KCNH1: variants seen among roughly 807,000 people sequenced by gnomAD.
KCNH1 encodes voltage-gated delayed rectifier potassium channel KCNH1.
KCNH1 carries 27 observed loss-of-function variants against 69.2 expected under a neutral mutation model. The observed-to-expected ratio is 0.39, with a 90% CI of 0.29 to 0.54. The LOEUF (loss-of-function observed/expected upper bound fraction) is 0.54, where lower values mean the gene tolerates loss of function less well. Ranked by LOEUF, KCNH1 falls within the 20% of genes least tolerant of loss-of-function variation. The pLI is 0.68. For synonymous variants in KCNH1, 456 were observed against 487.7 expected (o/e 0.93, Z 0.86); for missense variants, 798 against 1,261.6 (o/e 0.63, Z 5.57).
chr1:210,996,100 T>C (rs1024594417), intron 6 of KCNH1, among the ~76,000 whole-genome samples: 10 of 152,268 alleles, frequency 6.6e-5, no homozygotes, highest in Admixed American at 5.2e-4. Flanking sequence ...TCTGAGGTAC[T>C]GTGTTCATCT....
intron 6 of KCNH1, among the ~76,000 whole-genome samples, chr1:210,968,034 C>T (rs547175822): frequency 3.0e-4 from 45 of 151,352 alleles, no homozygotes; most frequent in African/African-American, 1.1e-3. Flanking sequence ...CACCCCACAA[C>T]AGTCCCCAGA....
intron 6 of KCNH1, among the ~76,000 whole-genome samples, chr1:210,998,397 G>C (rs974163325): frequency 8.5e-5 from 13 of 152,176 alleles, no homozygotes; most frequent in South Asian, 4.2e-4. Context: ...AAGCAACAAA[G>C]ATCAAAAGAG....
At chr1:210,703,538 T>C (rs963196104) in intron 10 of KCNH1, among the ~76,000 whole-genome samples, 1 of 152,202 alleles carries the variant, frequency 6.6e-6, no homozygotes, top group African/African-American at 2.4e-5. Context: ...AAATAATGCA[T>C]TTAAAGTGCC....
At chr1:210,862,216 T>C in intron 7 of KCNH1, 1 of 1,177,362 alleles carries the variant, frequency 8.5e-7, no homozygotes. Flanking sequence ...GAGCTGGCGC[T>C]CCATGGCCTC....
intron 5 of KCNH1, among the ~76,000 whole-genome samples, chr1:211,033,883 G>C (rs1305273194): frequency 6.6e-6 from 1 of 151,838 alleles, no homozygotes; most frequent in African/African-American, 2.4e-5. Flanking sequence ...CCTGCACGTT[G>C]TGCATGTGTA....
At chr1:210,805,465 C>T (rs12134632) in intron 7 of KCNH1, among the ~76,000 whole-genome samples, 19,285 of 152,100 alleles carry the variant, frequency 0.13, 1,267 homozygotes, top group Non-Finnish European at 0.15. Flanking sequence ...CTCCCATCCC[C>T]ACCTGCTTTC....
intron 10 of KCNH1, among the ~76,000 whole-genome samples, chr1:210,714,445 C>T (rs74156041): frequency 0.015 from 2,262 of 152,222 alleles, 40 homozygotes; most frequent in African/African-American, 0.051. Flanking sequence ...TTATTCATCA[C>T]GCAACTTTAG....
At chr1:211,088,859 T>C (rs901957885) in intron 4 of KCNH1, among the ~76,000 whole-genome samples, 1 of 152,210 alleles carries the variant, frequency 6.6e-6, no homozygotes, top group African/African-American at 2.4e-5. Context: ...ACCAAAACTC[T>C]TATCAGCAAA....
chr1:210,966,160 T>C (rs1010620525), intron 6 of KCNH1, among the ~76,000 whole-genome samples: 1 of 151,994 alleles, frequency 6.6e-6, no homozygotes, highest in Non-Finnish European at 1.5e-5. Flanking sequence ...ACAAATGGTA[T>C]TGGGAAAACT....
At chr1:211,119,625 G>T (rs966279841) in intron 1 of KCNH1, among the ~76,000 whole-genome samples, 7 of 151,936 alleles carry the variant, frequency 4.6e-5, no homozygotes, top group African/African-American at 1.7e-4. Context: ...AAATCAGTAT[G>T]ATATACCCAA....
At chr1:210,729,610 T>A (rs1376147379) in intron 10 of KCNH1, among the ~76,000 whole-genome samples, 2 of 152,230 alleles carry the variant, frequency 1.3e-5, no homozygotes, top group African/African-American at 4.8e-5. Context: ...TATAAAAACA[T>A]TTGCAATTGA....
intron 6 of KCNH1, among the ~76,000 whole-genome samples, chr1:210,941,000 C>T (rs1324967983): frequency 6.6e-6 from 1 of 152,198 alleles, no homozygotes; most frequent in Non-Finnish European, 1.5e-5. Context: ...ACCCCAGTGA[C>T]TTTCATGGGG....
At chr1:211,131,219 T>C (rs1691870760) in intron 1 of KCNH1, among the ~76,000 whole-genome samples, 1 of 152,106 alleles carries the variant, frequency 6.6e-6, no homozygotes, top group Non-Finnish European at 1.5e-5. Context: ...AGCTCTATGA[T>C]ATTCCGGGCA....
rs1688038530 is a variant in KCNH1 at position 210,950,260 on chromosome 1, G to A, written c.1033-30191C>T. 2.0e-5 allele frequency among the ~76,000 whole-genome samples: 3 copies of A among 148,646 alleles called. No homozygotes were observed. In the South Asian group the frequency reaches 6.5e-4, roughly 32 times the overall value. On this transcript the variant is annotated intron_variant, in intron 6 of 10. Transcript: ENST00000271751. ...ATACTTTAAGTTTTAGGGTACATGT[G>A]CACATTGTGCAGGTTAGTTACATAT... is the stretch of plus-strand genomic sequence containing the variant.
intron 10 of KCNH1, among the ~76,000 whole-genome samples, chr1:210,728,707 G>A (rs1325015437): frequency 6.6e-6 from 1 of 152,192 alleles, no homozygotes; most frequent in Non-Finnish European, 1.5e-5. Flanking sequence ...GCAACAGGAG[G>A]AGCCAGTTTT....
At chr1:211,014,532 G>A (rs1571579429) in intron 6 of KCNH1, among the ~76,000 whole-genome samples, 1 of 152,232 alleles carries the variant, frequency 6.6e-6, no homozygotes, top group African/African-American at 2.4e-5. Flanking sequence ...ATATCCACAG[G>A]GCTGAATTCA....
At chr1:210,741,503 G>A (rs757138187) in intron 10 of KCNH1, among the ~76,000 whole-genome samples, 2 of 152,122 alleles carry the variant, frequency 1.3e-5, no homozygotes, top group Non-Finnish European at 2.9e-5. Flanking sequence ...TGAAAGATGG[G>A]GCCAAGCAGA....
intron 3 of KCNH1, among the ~76,000 whole-genome samples, chr1:211,100,332 C>A (rs573473298): frequency 6.6e-6 from 1 of 152,236 alleles, no homozygotes; most frequent in South Asian, 2.1e-4. Flanking sequence ...CCTCATATTA[C>A]TTCTCATGTA....
At chr1:210,872,657 A>G (rs1686278639) in intron 7 of KCNH1, among the ~76,000 whole-genome samples, 1 of 152,116 alleles carries the variant, frequency 6.6e-6, no homozygotes. Context: ...GAGTAGGAGC[A>G]AGAGAGAGAG....
Sources: gnomAD v4.1 joint callset for allele counts (sites outside exome capture counted in the v4.1 genomes callset) on GRCh38, gnomAD v4.1.1 for gene constraint, MANE v1.5 for transcripts, NCBI Gene and HGNC (gene_info 2026-07-23, HGNC 2026-07-21) for gene names.